The following DAB1 variants were observed in gnomAD, a reference collection of about 807,000 sequenced individuals.
The protein encoded by DAB1 is disabled homolog 1.
Under a neutral mutation model 64.6 loss-of-function variants are expected in DAB1, and 15 were observed. The observed-to-expected ratio is 0.23, with a 90% CI of 0.16 to 0.36. The LOEUF (loss-of-function observed/expected upper bound fraction) is 0.36, where lower values mean the gene tolerates loss of function less well. Among genes scored for constraint, DAB1 ranks in the 10% least tolerant of loss-of-function variants. The pLI is 1.00. For missense variants in DAB1, 596 were observed against 706.7 expected (o/e 0.84, Z 1.78); for synonymous variants, 235 against 251.9 (o/e 0.93, Z 0.64).
At chr1:57,576,519 C>T (rs1436040946) in intron 7 of DAB1, among the ~76,000 whole-genome samples, 1 of 152,138 alleles carries the variant, frequency 6.6e-6, no homozygotes, top group Non-Finnish European at 1.5e-5. Flanking sequence ...TTACAAGGAA[C>T]ACTAAGGATT....
At chr1:58,287,607 T>C (rs572012491) in intron 4 of DAB1, among the ~76,000 whole-genome samples, 2 of 152,288 alleles carry the variant, frequency 1.3e-5, no homozygotes, top group South Asian at 2.1e-4. Context: ...TAAGAGCAAC[T>C]GCCTCAAGGG....
At chr1:57,959,719 C>T (rs916697876) in intron 5 of DAB1, among the ~76,000 whole-genome samples, 3 of 152,220 alleles carry the variant, frequency 2.0e-5, no homozygotes, top group Non-Finnish European at 2.9e-5. Context: ...TTCACAGCAT[C>T]TTTGCACTCC....
intron 5 of DAB1, among the ~76,000 whole-genome samples, chr1:58,005,257 T>A (rs1646564204): frequency 6.6e-6 from 1 of 152,122 alleles, no homozygotes; most frequent in South Asian, 2.1e-4. Flanking sequence ...CTGCTAGGGA[T>A]GATACAGCTT....
At chr1:57,911,156 T>C (rs1468778025) in intron 5 of DAB1, among the ~76,000 whole-genome samples, 1 of 152,204 alleles carries the variant, frequency 6.6e-6, no homozygotes, top group African/African-American at 2.4e-5. Context: ...AGTGGAGCCA[T>C]GGAATGGATA....
At chr1:57,102,309 T>C (rs3768177) in intron 4 of DAB1, among the ~76,000 whole-genome samples, 27,736 of 152,052 alleles carry the variant, frequency 0.18, 3,139 homozygotes, top group East Asian at 0.56. Flanking sequence ...AGAAACAAAG[T>C]TCACATGATA....
chr1:57,506,412 C>T (rs1644344124), intron 7 of DAB1, among the ~76,000 whole-genome samples: 1 of 152,216 alleles, frequency 6.6e-6, no homozygotes, highest in Admixed American at 6.5e-5. Flanking sequence ...TCCTGGACTT[C>T]TGGCATGAGT....
intron 6 of DAB1, among the ~76,000 whole-genome samples, chr1:57,765,716 C>T (rs1410629774): frequency 1.3e-5 from 2 of 152,188 alleles, no homozygotes; most frequent in Non-Finnish European, 2.9e-5. Flanking sequence ...CTCCTCCATA[C>T]AGCACACTCT....
At chr1:57,387,821 C>CAAA (rs55950458) in intron 1 of DAB1, among the ~76,000 whole-genome samples, 1,426 of 104,188 alleles carry the variant, frequency 0.014, 32 homozygotes, top group African/African-American at 0.039. Flanking sequence ...GACTCAGCCT[C>CAAA]AAAAAAAAAA....
intron 2 of DAB1, among the ~76,000 whole-genome samples, chr1:57,198,684 CACACA>C (rs1180284097): frequency 1.3e-5 from 2 of 151,494 alleles, no homozygotes; most frequent in African/African-American, 2.4e-5. Context: ...CACACACACA[CACACA>C]CCCATCAACT....
At chr1:58,145,889 G>A (rs1388456272) in intron 5 of DAB1, among the ~76,000 whole-genome samples, 3 of 152,142 alleles carry the variant, frequency 2.0e-5, no homozygotes, top group Non-Finnish European at 2.9e-5. Context: ...CTTACACATA[G>A]ATTTTCTTCT....
intron 7 of DAB1, among the ~76,000 whole-genome samples, chr1:57,434,577 TGTACC>T (rs1453854960): frequency 9.8e-5 from 15 of 152,346 alleles, no homozygotes; most frequent in Middle Eastern, 3.4e-3. Flanking sequence ...AATACAGTTT[TGTACC>T]GTTTAACGAC....
At chr1:58,433,860 A>C (rs1644912595) in intron 3 of DAB1, among the ~76,000 whole-genome samples, 1 of 152,068 alleles carries the variant, frequency 6.6e-6, no homozygotes. Context: ...TTTAGCACAT[A>C]AACTTTGGGG....
chr1:57,901,782 G>T (rs1644477579), intron 5 of DAB1, among the ~76,000 whole-genome samples: 1 of 152,116 alleles, frequency 6.6e-6, no homozygotes, highest in African/African-American at 2.4e-5. Context: ...TCAGACAGAG[G>T]CTGAATCTGA....
chr1:58,493,345 G>A (rs576037258), intron 3 of DAB1, among the ~76,000 whole-genome samples: 39 of 152,290 alleles, frequency 2.6e-4, no homozygotes, highest in African/African-American at 9.1e-4. Context: ...CATTCCCTTT[G>A]AAAACTGGCA....
chr1:57,967,463 C>T lies in DAB1; in HGVS notation n.388-83301G>A, dbSNP rs114749378. Among the ~76,000 whole-genome samples, 535 of 152,228 alleles carry T rather than the reference C, an allele frequency of 3.5e-3. 2 individuals are homozygous for T. The highest frequency in any genetic ancestry group is 0.012 in the African/African-American group (501 of 41,534). The stretch of plus-strand genomic sequence containing the variant: ...AACCTAGGTATACCTGAATTGGATC[C>T]ATACTCTGTGTCCTTATTATGGCTC... On this transcript the variant is annotated intron_variant and non_coding_transcript_variant, in intron 5 of 20. Transcript: ENST00000485760.
At chr1:57,682,137 G>T (rs907442347) in intron 6 of DAB1, among the ~76,000 whole-genome samples, 1 of 151,998 alleles carries the variant, frequency 6.6e-6, no homozygotes, top group African/African-American at 2.4e-5. Context: ...ACATGGAAGG[G>T]ATAGAAATAT....
At chr1:57,314,870 A>T (rs1005897624) in intron 1 of DAB1, among the ~76,000 whole-genome samples, 2 of 152,150 alleles carry the variant, frequency 1.3e-5, no homozygotes, top group African/African-American at 4.8e-5. Context: ...GGAAGAAAAG[A>T]GAGGATGGAT....
At chr1:58,114,734 T>C (rs1195159101) in intron 5 of DAB1, among the ~76,000 whole-genome samples, 1 of 152,198 alleles carries the variant, frequency 6.6e-6, no homozygotes, top group Admixed American at 6.5e-5. Flanking sequence ...CAGCAGACAC[T>C]GCAAAGACTC....
intron 1 of DAB1, among the ~76,000 whole-genome samples, chr1:57,309,087 T>G (rs151255470): frequency 6.6e-6 from 1 of 152,178 alleles, no homozygotes; most frequent in South Asian, 2.1e-4. Flanking sequence ...CTATCATTAG[T>G]GTATTTTATG....
Sources: gnomAD v4.1 joint callset for allele counts (sites outside exome capture counted in the v4.1 genomes callset) on GRCh38, gnomAD v4.1.1 for gene constraint, MANE v1.5 for transcripts, NCBI Gene and HGNC (gene_info 2026-07-23, HGNC 2026-07-21) for gene names.